The following KMT2A variants were observed in gnomAD, a reference collection of about 807,000 sequenced individuals.
The protein encoded by KMT2A is histone-lysine N-methyltransferase 2A.
In KMT2A, 16 loss-of-function variants were observed where a neutral mutation model predicts 345.3. That is an observed-to-expected ratio of 0.05 (90% confidence interval 0.03 to 0.07). KMT2A has a LOEUF of 0.07. Among genes scored for constraint, KMT2A ranks in the 10% least tolerant of loss-of-function variants. KMT2A has a pLI of 1.00. For missense variants in KMT2A, 3,272 were observed against 4,841.6 expected (o/e 0.68, Z 9.62); for synonymous variants, 1,599 against 1,778.6 (o/e 0.90, Z 2.54).
chr11:118,519,177 A>G (rs1950901517), intron 31 of KMT2A, among the ~76,000 whole-genome samples: 1 of 151,564 alleles, frequency 6.6e-6, no homozygotes, highest in Admixed American at 6.6e-5. Flanking sequence ...GATGGATTAT[A>G]TTTGTAGTTA....
chr11:118,437,171 C>T (rs1433682434), intron 1 of KMT2A, among the ~76,000 whole-genome samples: 4 of 151,206 alleles, frequency 2.6e-5, no homozygotes, highest in Admixed American at 2.6e-4. Context: ...GCCCCCCGCT[C>T]TCCTCCCCCT....
chr11:118,494,432 T>C lies in KMT2A; in HGVS notation c.5289+34T>C. The C allele has an allele frequency of 8.7e-7, 1 of 1,155,822 alleles. No homozygotes were observed. Among genetic ancestry groups the C allele is most frequent in the African/African-American group, 1.5e-5 (1 of 65,376 alleles). The allele number at this position is 1,155,822 out of a possible 1,614,324, so 71.6% of individuals were successfully genotyped here. A position where few individuals can be genotyped will look rare whatever the true frequency, so the allele number is the denominator to read the frequency against. ...TATTACTAATTCATGTTTTTAATGC[T>C]TACCTATAAGTAATTACCCTGTGAA... On this transcript the variant is annotated intron_variant, in intron 17 of 35. Coordinates refer to ENST00000534358, the MANE Select transcript of KMT2A (RefSeq NM_001197104.2). This position sits in a 1 kb window ranked among gnomAD's most constrained non-coding sequence, Gnocchi z 5.8.
At chr11:118,514,618 A>G (rs1422537319) in intron 31 of KMT2A, among the ~76,000 whole-genome samples, 1 of 148,956 alleles carries the variant, frequency 6.7e-6, no homozygotes, top group African/African-American at 2.5e-5. Flanking sequence ...TTTTTGTATT[A>G]TTATTATTTT....
At chr11:118,471,394 G>A (rs1244452423) in intron 2 of KMT2A, among the ~76,000 whole-genome samples, 1 of 152,010 alleles carries the variant, frequency 6.6e-6, no homozygotes, top group Non-Finnish European at 1.5e-5. Flanking sequence ...TCAGTTTTGT[G>A]GATTAATTGT....
chr11:118,455,429 C>T (rs1231219060), intron 1 of KMT2A, among the ~76,000 whole-genome samples: 1 of 152,092 alleles, frequency 6.6e-6, no homozygotes, highest in African/African-American at 2.4e-5. Context: ...ATTATATATA[C>T]CATTTCCAGA....
intron 1 of KMT2A, chr11:118,450,160 C>A (rs1423505561): frequency 6.6e-6 from 1 of 151,612 alleles, no homozygotes; most frequent in East Asian, 1.9e-4. Context: ...GTAGATAAAC[C>A]AGTTCAGACT....
At chr11:118,474,366 C>G (rs1361766141) in intron 3 of KMT2A, 51 bp downstream of exon 3, 5 of 1,567,560 alleles carry the variant, frequency 3.2e-6, no homozygotes, top group Non-Finnish European at 4.3e-6. Context: ...TGAGCCCTTT[C>G]TATGGGCAAG....
intron 5 of KMT2A, 111 bp downstream of exon 5, chr11:118,478,312 G>C: frequency 1.3e-6 from 1 of 787,388 alleles, no homozygotes; most frequent in Non-Finnish European, 2.1e-6. Context: ...TTGTAATTGA[G>C]TTGCAAGACT....
Position 118,478,169 on chromosome 11 carries a change from T to C in KMT2A, c.3537T>C (p.Phe1179=). 1.2e-6 allele frequency: 2 copies of C among 1,614,016 alleles called. No homozygotes were observed. The highest frequency in any genetic ancestry group is 1.7e-6 in the Non-Finnish European group (2 of 1,179,966). ...VCTNCLDKPK[F]GGRNIKKQCC... Reference sequence around the variant, plus strand: ...CTAATTGCTTAGATAAGCCCAAGTTTGGTGGTCGCAATATAAAGAAGCAGT... The same window carrying C: ...CTAATTGCTTAGATAAGCCCAAGTTCGGTGGTCGCAATATAAAGAAGCAGT... The change falls in exon 5 of 36, where the codon TTT becomes TTC. Residue 1179 remains phenylalanine, a synonymous_variant. Transcript: ENST00000534358.
chr11:118,504,032 C>A lies in KMT2A; in HGVS notation c.8140C>A (p.Leu2714Ile), dbSNP rs782505839. Residue 2714 changes from leucine to isoleucine, a missense_variant, in exon 27 of 36, where the codon CTT (leucine) becomes ATT (isoleucine). Transcript: ENST00000534358. The surrounding 1 kb of genome is among the most constrained non-coding windows in gnomAD (Gnocchi z 6.4). ...ATTTCGGGAGGAGGAACAGTGTGAT[C>A]TTCCAAAAATCTCACAGTTGGATGG... ...NLFREEEQCD[L>I]PKISQLDGVD... The A allele has an allele frequency of 9.3e-6, 15 of 1,614,020 alleles. No homozygotes were observed. The highest frequency in any genetic ancestry group is 4.2e-6 in the Non-Finnish European group (5 of 1,180,010).
rs1950998882 is a variant in KMT2A, at chr11:118,522,797, T to C, written c.*625T>C. The C allele has an allele frequency of 4.7e-6, 1 of 213,912 alleles. No individual in the cohort carries two copies. The highest frequency in any genetic ancestry group is 9.5e-6 in the Non-Finnish European group (1 of 105,720). 13.3% of individuals were successfully genotyped at this position (213,912 alleles called of 1,614,324 possible). On this transcript the variant is annotated 3_prime_UTR_variant, in exon 36 of 36. Coordinates refer to ENST00000534358, the MANE Select transcript of KMT2A (RefSeq NM_001197104.2). The surrounding 1 kb of genome is among the most constrained non-coding windows in gnomAD (Gnocchi z 5.4). The stretch of plus-strand genomic sequence containing the variant: ...TTACCAAACATTGAGCCTGCAGGCT[T>C]TGAGTGGGAGTGTTGCCCCCAGGAG...
At position 118,510,273 on chromosome 11, in the gene KMT2A, T is replaced by C. The variant is rs1555049752; in HGVS notation, c.11071+155T>C. Among the ~76,000 whole-genome samples the C allele has an allele frequency of 6.6e-6, 1 of 152,200 alleles. No homozygotes were observed. The highest frequency in any genetic ancestry group is 1.5e-5 in the Non-Finnish European group (1 of 68,038). On this transcript the variant is annotated intron_variant, in intron 30 of 35. Coordinates refer to ENST00000534358, the MANE Select transcript of KMT2A (RefSeq NM_001197104.2). This position sits in a 1 kb window ranked among gnomAD's most constrained non-coding sequence, Gnocchi z 4.1. The stretch of plus-strand genomic sequence containing the variant: ...TACATTTTCCTTGTCCTTGAGAAGT[T>C]TGTCTTATTGGAGAAATAGCCATAT...
Position 118,525,096 on chromosome 11 carries a change from A to T in KMT2A, c.*2924A>T, listed in dbSNP as rs1442630990. ...AGCGAAGGTTTCCCTACAAGAGGGA[A>T]AGAAGGCAAAAACGGCACAGCTATC... On this transcript the variant is annotated 3_prime_UTR_variant, in exon 36 of 36. Transcript: ENST00000534358. The T allele has an allele frequency of 4.5e-6, 1 of 220,686 alleles. No homozygotes were observed. Among genetic ancestry groups the T allele is most frequent in the African/African-American group, 2.2e-5 (1 of 44,590 alleles). The allele number at this position is 220,686 out of a possible 1,614,324, so 13.7% of individuals were successfully genotyped here.
rs782653473 is a variant in KMT2A at position 118,493,252 on chromosome 11, T to C, written c.5178+22T>C. ...TGTGGTATGTTTCTACAGTGAGCCA[T>C]CAGAATTTCTAGTGCCAATAAAGCT... On this transcript the variant is annotated intron_variant, in intron 16 of 35. Coordinates refer to ENST00000534358, the MANE Select transcript of KMT2A (RefSeq NM_001197104.2). This position sits in a 1 kb window ranked among gnomAD's most constrained non-coding sequence, Gnocchi z 5.8. 4 of 1,600,256 alleles carry C rather than the reference T, an allele frequency of 2.5e-6. No individual in the cohort carries two copies. The highest frequency in any genetic ancestry group is 3.4e-6 in the Non-Finnish European group (4 of 1,170,760).
intron 1 of KMT2A, among the ~76,000 whole-genome samples, chr11:118,441,169 T>C (rs1257785381): frequency 6.6e-6 from 1 of 152,096 alleles, no homozygotes; most frequent in Non-Finnish European, 1.5e-5. Flanking sequence ...GACGATTTGA[T>C]AATTTTTGTT....
At position 118,526,133 on chromosome 11, in the gene KMT2A, C is replaced by A; in HGVS notation, c.*3961C>A. Reference sequence around the variant, plus strand: ...ATGTCAGGCTCACTTTCCTCTGATTCCCGAAATGGGGGGAACCTCTAACCA... The same window carrying A: ...ATGTCAGGCTCACTTTCCTCTGATTACCGAAATGGGGGGAACCTCTAACCA... On this transcript the variant is annotated 3_prime_UTR_variant, in exon 36 of 36. Coordinates refer to ENST00000534358, the MANE Select transcript of KMT2A (RefSeq NM_001197104.2). The A allele has an allele frequency of 4.6e-6, 1 of 218,072 alleles. No individual in the cohort carries two copies. The highest frequency in any genetic ancestry group is 9.2e-6 in the Non-Finnish European group (1 of 108,470). The allele number at this position is 218,072 out of a possible 1,614,324, so 13.5% of individuals were successfully genotyped here.
intron 3 of KMT2A, among the ~76,000 whole-genome samples, chr11:118,474,813 T>C (rs782220808): frequency 2.0e-5 from 3 of 152,152 alleles, no homozygotes; most frequent in Admixed American, 1.3e-4. Context: ...ATAGATAATA[T>C]GTTTTTGCAG....
At chr11:118,452,688 C>T (rs1949564100) in intron 1 of KMT2A, among the ~76,000 whole-genome samples, 1 of 149,994 alleles carries the variant, frequency 6.7e-6, no homozygotes, top group Admixed American at 6.7e-5. Flanking sequence ...GGCTGGAGTG[C>T]AGTGGCGCCA....
In KMT2A at chr11:118,503,255, G is replaced by A; in HGVS notation, c.7363G>A (p.Val2455Met). 1.2e-6 allele frequency: 2 copies of A among 1,614,132 alleles called. No individual in the cohort carries two copies. Among genetic ancestry groups the A allele is most frequent in the Non-Finnish European group, 1.7e-6 (2 of 1,180,030 alleles). Residue 2455 changes from valine to methionine, a missense_variant, in exon 27 of 36, where the codon GTG (valine) becomes ATG (methionine). Physicochemically the swap from Val to Met is conservative, Grantham distance 21. This residue lies in a region of KMT2A where 445 missense variants were observed against 500.9 expected (regional missense o/e 0.89). Coordinates refer to ENST00000534358, the MANE Select transcript of KMT2A (RefSeq NM_001197104.2). The surrounding 1 kb of genome is among the most constrained non-coding windows in gnomAD (Gnocchi z 5.3). The stretch of plus-strand genomic sequence containing the variant: ...TAAATCTTTTTTGGAACCTGGTCAG[G>A]TGACAACTGGTGAGGAAGGAAACTT... ...SSKSFLEPGQVTTGEEGNLKP... is the reference protein window; with the variant it reads ...SSKSFLEPGQMTTGEEGNLKP...
Sources: allele counts gnomAD v4.1 joint callset (sites outside exome capture counted in the v4.1 genomes callset), GRCh38; gene constraint gnomAD v4.1.1; regional missense constraint gnomAD v4.1.1; non-coding constraint Gnocchi (gnomAD v3.1); transcripts MANE v1.5; gene names NCBI Gene and HGNC (gene_info 2026-07-23, HGNC 2026-07-21).